GUK1: variants seen among roughly 807,000 people sequenced by gnomAD.
The protein encoded by GUK1 is guanylate kinase 1, also known as guanylate kinase.
Under a neutral mutation model 25.2 loss-of-function variants are expected in GUK1, and 18 were observed. That is an observed-to-expected ratio of 0.71 (90% CI 0.49 to 1.06). GUK1 has a LOEUF of 1.06. GUK1 is among the 50% of genes least tolerant of loss of function. The pLI is 0.00. For missense variants in GUK1, 261 were observed against 276.7 expected (o/e 0.94, Z 0.40); for synonymous variants, 105 against 117.6 (o/e 0.89, Z 0.69).
chr1:228,145,201 C>T (rs1466648943), intron 2 of GUK1: 2 of 207,120 alleles, frequency 9.7e-6, no homozygotes, highest in East Asian at 2.4e-4. Context: ...TGCTAGGGAC[C>T]CCTGGGGAGG....
At chr1:228,147,381 C>G (rs986155148) in intron 5 of GUK1, 25 bp from the exon 5 acceptor site, 28 of 1,602,816 alleles carry the variant, frequency 1.7e-5, no homozygotes, top group Non-Finnish European at 2.4e-5. Context: ...CCTGGCACCC[C>G]TGCTGACCTG....
At chr1:228,148,525 C>A in intron 8 of GUK1, 69 bp downstream of exon 7, 1 of 1,401,186 alleles carries the variant, frequency 7.1e-7, no homozygotes, top group Non-Finnish European at 9.8e-7. Flanking sequence ...CTTTGTTGTC[C>A]ATGAGGCCAC....
At chr1:228,145,490 A>G in intron 2 of GUK1, 21 bp from the exon 2 acceptor site, 1 of 1,594,122 alleles carries the variant, frequency 6.3e-7, no homozygotes, top group East Asian at 2.3e-5. Flanking sequence ...TGCTATCCAC[A>G]GCCTCTCTTC....
chr1:228,146,005 G>T, intron 3 of GUK1, 21 bp from the exon 3 acceptor site: 4 of 1,599,930 alleles, frequency 2.5e-6, no homozygotes, highest in Non-Finnish European at 3.4e-6. Context: ...GCCCCCGATG[G>T]GTGACAGGTC....
chr1:228,145,438 G>A (rs894884030), intron 2 of GUK1, 73 bp from the exon 2 acceptor site: 9 of 1,430,332 alleles, frequency 6.3e-6, no homozygotes, highest in African/African-American at 2.8e-5. Context: ...ATGAATTCAG[G>A]AAGGCAGAGG....
Position 228,147,466 on chromosome 1 carries a change from G to A in GUK1, c.312G>A (p.Leu104=), listed in dbSNP as rs1310129616. The stretch of plus-strand genomic sequence containing the variant: ...GCATCTGTGTGCTGGACGTGGACCT[G>A]CAGGGTGTGCGGAACATCAAGGCCA... Residue 104 remains leucine, a synonymous_variant, in exon 6 of 9, where the codon CTG becomes CTA. Transcript: ENST00000312726. 3 of 1,612,958 alleles carry A rather than the reference G, an allele frequency of 1.9e-6. No individual in the cohort carries two copies. Among genetic ancestry groups the A allele is most frequent in the Non-Finnish European group, 2.5e-6 (3 of 1,179,874 alleles).
chr1:228,144,479 G>C (rs1431316354), intron 2 of GUK1: 2 of 152,548 alleles, frequency 1.3e-5, no homozygotes, highest in Admixed American at 6.5e-5. Flanking sequence ...GGCCCTGTGT[G>C]TGCAGCTCAT....
At position 228,146,900 on chromosome 1, in the gene GUK1, C is replaced by T. The variant is rs200461920; in HGVS notation, c.213C>T (p.Ile71=). ...GTGACATAGCAGCCGGCGACTTCAT[C>T]GAGCATGCCGAGTTCTCGGGGAACC... is the stretch of plus-strand genomic sequence containing the variant. Residue 71 remains isoleucine (I), a synonymous_variant, in exon 5 of 9, where the codon ATC becomes ATT. Coordinates refer to ENST00000312726, the MANE Select transcript of GUK1 (RefSeq NM_000858.7). The T allele has an allele frequency of 2.4e-4, 384 of 1,613,740 alleles. No homozygotes were observed. The East Asian group carries it at 5.1e-3, about 21-fold the overall frequency.
upstream of GUK1, chr1:228,140,133 T>C: frequency 1.7e-6 from 1 of 597,090 alleles, no homozygotes; most frequent in Non-Finnish European, 2.9e-6. Flanking sequence ...CCAGCGCAGG[T>C]GGAGGCGGGG....
intron 7 of GUK1, 105 bp from the exon 7 acceptor site, chr1:228,148,266 G>A (rs768031161): frequency 2.5e-5 from 21 of 844,998 alleles, no homozygotes; most frequent in South Asian, 4.1e-5. Context: ...TCCCACAGCC[G>A]CAGTGAGGAC....
In GUK1 at chr1:228,146,927, G is replaced by C; in HGVS notation, c.240G>C (p.Leu80=). 1 of 1,612,348 alleles carries C rather than the reference G, an allele frequency of 6.2e-7. No homozygotes were observed. The highest frequency in any genetic ancestry group is 8.5e-7 in the Non-Finnish European group (1 of 1,178,392). ...AGCATGCCGAGTTCTCGGGGAACCT[G>C]TATGGCACGAGGTGGGCCATGCGTG... Residue 80 remains leucine, a synonymous_variant, in exon 5 of 9, where the codon CTG becomes CTC. Transcript: ENST00000312726.
In GUK1 at chr1:228,146,917, C is replaced by T. The variant is rs368698841; in HGVS notation, c.230C>T (p.Ser77Leu). 13 of 1,613,160 alleles carry T rather than the reference C, an allele frequency of 8.1e-6. No individual in the cohort carries two copies. The highest frequency in any genetic ancestry group is 1.3e-5 in the African/African-American group (1 of 74,896). ...GACTTCATCGAGCATGCCGAGTTCT[C>T]GGGGAACCTGTATGGCACGAGGTGG... is the stretch of plus-strand genomic sequence containing the variant. Residue 77 changes from serine (S) to leucine (L), a missense_variant, in exon 5 of 9, where the codon TCG becomes TTG. Physicochemically the swap from Ser to Leu is moderately radical, Grantham distance 145. Coordinates refer to ENST00000312726, the MANE Select transcript of GUK1 (RefSeq NM_000858.7).
At chr1:228,142,593 C>G (rs546318627) in intron 2 of GUK1, among the ~76,000 whole-genome samples, 1 of 152,268 alleles carries the variant, frequency 6.6e-6, no homozygotes, top group South Asian at 2.1e-4. Context: ...CCACCAGCGT[C>G]TGCTGTCTGC....
chr1:228,142,735 A>AC, intron 2 of GUK1, among the ~76,000 whole-genome samples: 1 of 150,338 alleles, frequency 6.7e-6, no homozygotes, highest in Non-Finnish European at 1.5e-5. Context: ...GGACTCCAGC[A>AC]CCCCCCATTC....
intron 4 of GUK1, chr1:228,146,568 A>G (rs1263120688): frequency 6.1e-6 from 3 of 489,606 alleles, no homozygotes; most frequent in Non-Finnish European, 1.1e-5. Flanking sequence ...GTTGGTCTCC[A>G]GTCCCCACCC....
At chr1:228,145,981 T>TTGGGC (rs2034347445) in intron 3 of GUK1, 45 bp from the exon 3 acceptor site, 1 of 1,462,276 alleles carries the variant, frequency 6.8e-7, no homozygotes, top group African/African-American at 1.4e-5. Context: ...GGGTGGGGCA[T>TTGGGC]TGGGCTCCGA....
chr1:228,147,302 C>T (rs1358312345), intron 5 of GUK1, 104 bp from the exon 5 acceptor site: 2 of 1,122,198 alleles, frequency 1.8e-6, no homozygotes, highest in Admixed American at 2.2e-5. Flanking sequence ...CTAGGCTCAG[C>T]TGTGGGAGGA....
rs1179442468 is a variant in GUK1, at chr1:228,147,559, G to C, written c.390+15G>C. The stretch of plus-strand genomic sequence containing the variant: ...TGCACGTGCTGGTGTGTGCTGGGCA[G>C]GGTTGGGGGCTGGGGGCCAGGGCAT... On this transcript the variant is annotated intron_variant, in intron 6 of 8. Coordinates refer to ENST00000312726, the MANE Select transcript of GUK1 (RefSeq NM_000858.7). 1.2e-6 allele frequency: 2 copies of C among 1,613,194 alleles called. No individual in the cohort carries two copies. Among genetic ancestry groups the C allele is most frequent in the Non-Finnish European group, 8.5e-7 (1 of 1,179,816 alleles).
intron 2 of GUK1, chr1:228,145,286 C>G (rs1367106169): frequency 5.1e-6 from 2 of 395,706 alleles, no homozygotes; most frequent in East Asian, 8.6e-5. Context: ...CCATTCGTCT[C>G]CCGTGTGCCC....
Sources: gnomAD v4.1 joint callset for allele counts (sites outside exome capture counted in the v4.1 genomes callset) on GRCh38, gnomAD v4.1.1 for gene constraint, MANE v1.5 for transcripts, NCBI Gene and HGNC (gene_info 2026-07-23, HGNC 2026-07-21) for gene names.